Variants in MYO9B observed in about 807,000 individuals in gnomAD.
MYO9B encodes myosin IXB.
Under a neutral mutation model 229.5 loss-of-function variants are expected in MYO9B, and 71 were observed. That is an observed-to-expected ratio of 0.31 (90% CI 0.26 to 0.38). MYO9B has a LOEUF of 0.38. Among genes scored for constraint, MYO9B ranks in the 10% least tolerant of loss-of-function variants. MYO9B has a pLI of 1.00. For synonymous variants in MYO9B, 1,185 were observed against 1,235.8 expected (o/e 0.96, Z 0.86); for missense variants, 2,255 against 2,920.5 (o/e 0.77, Z 5.25).
At chr19:17,171,774 A>G (rs2072727376) in intron 11 of MYO9B, among the ~76,000 whole-genome samples, 1 of 152,102 alleles carries the variant, frequency 6.6e-6, no homozygotes, top group African/African-American at 2.4e-5. Context: ...TAACATAGCA[A>G]GTCCCCTTCT....
intron 2 of MYO9B, among the ~76,000 whole-genome samples, chr19:17,126,060 GC>G (rs1456002921): frequency 6.6e-6 from 1 of 152,110 alleles, no homozygotes; most frequent in Non-Finnish European, 1.5e-5. Flanking sequence ...TCTTCCTTGT[GC>G]CTGGCTGGCA....
intron 2 of MYO9B, among the ~76,000 whole-genome samples, chr19:17,110,618 G>T (rs1360606352): frequency 6.6e-6 from 1 of 152,220 alleles, no homozygotes; most frequent in African/African-American, 2.4e-5. Context: ...AGCGTGCATG[G>T]GGTTTTCATT....
chr19:17,093,693 T>TG (rs764730738), intron 1 of MYO9B, among the ~76,000 whole-genome samples: 91 of 111,552 alleles, frequency 8.2e-4, no homozygotes, highest in East Asian at 7.5e-3. Flanking sequence ...TTGCGGGGGG[T>TG]GGGGGGGGGG....
intron 3 of MYO9B, among the ~76,000 whole-genome samples, chr19:17,147,561 A>AAAC (rs1423944231): frequency 6.8e-6 from 1 of 147,930 alleles, no homozygotes; most frequent in African/African-American, 2.5e-5. Flanking sequence ...AAAAAAAAAA[A>AAAC]CCCAACAACC....
At chr19:17,203,655 G>A (rs933190252) in intron 30 of MYO9B, among the ~76,000 whole-genome samples, 2 of 149,492 alleles carry the variant, frequency 1.3e-5, no homozygotes, top group African/African-American at 4.9e-5. Context: ...CCAGCCACCA[G>A]GTCAGATCTT....
At position 17,195,134 on chromosome 19, in the gene MYO9B, A is replaced by C; in HGVS notation, c.3707A>C (p.Lys1236Thr). Reference sequence around the variant, plus strand: ...GGCAAGGTCTCTGAAGAAACTGAGAAGACGCTGCCCAGTGGGAGCCCCAGG... The same window carrying C: ...GGCAAGGTCTCTGAAGAAACTGAGACGACGCTGCCCAGTGGGAGCCCCAGG... ...AVGKVSEETE[K>T]TLPSGSPRPG... The change falls in exon 22 of 40, where the codon AAG becomes ACG. Residue 1236 changes from lysine to threonine, a missense_variant. Coordinates refer to ENST00000682292, the MANE Select transcript of MYO9B (RefSeq NM_004145.4). The surrounding 1 kb of genome is among the most constrained non-coding windows in gnomAD (Gnocchi z 4.5). 3.7e-6 allele frequency: 6 copies of C among 1,611,960 alleles called. No individual in the cohort carries two copies. The highest frequency in any genetic ancestry group is 5.1e-6 in the Non-Finnish European group (6 of 1,179,498).
chr19:17,196,872 T>C (rs975991521), intron 22 of MYO9B, among the ~76,000 whole-genome samples: 1 of 150,836 alleles, frequency 6.6e-6, no homozygotes, highest in African/African-American at 2.4e-5. Context: ...GGCTGGAAGA[T>C]AGAGATGGAG....
chr19:17,201,199 C>T lies in MYO9B; in HGVS notation c.4563+370C>T, dbSNP rs143591460. Among the ~76,000 whole-genome samples, 112 of 152,272 alleles carry T rather than the reference C, an allele frequency of 7.4e-4. 1 individual carries two copies. The highest frequency in any genetic ancestry group is 2.6e-3 in the African/African-American group (109 of 41,564). On this transcript the variant is annotated intron_variant, in intron 26 of 39. Transcript: ENST00000682292. The stretch of plus-strand genomic sequence containing the variant: ...CACAAGCCACGATCGCAGCACTGCA[C>T]TCCAGCCTGGGTGACAGAGCAAGAC...
At chr19:17,084,739 C>A (rs1427776054) in intron 1 of MYO9B, among the ~76,000 whole-genome samples, 6 of 149,056 alleles carry the variant, frequency 4.0e-5, no homozygotes, top group African/African-American at 7.4e-5. Context: ...AAAAGAAAAA[C>A]ACACACACAC....
At chr19:17,123,962 T>C (rs2057990769) in intron 2 of MYO9B, among the ~76,000 whole-genome samples, 1 of 152,172 alleles carries the variant, frequency 6.6e-6, no homozygotes, top group Non-Finnish European at 1.5e-5. Flanking sequence ...CTTGGCTTAC[T>C]GCAGCCTCAA....
intron 2 of MYO9B, among the ~76,000 whole-genome samples, chr19:17,130,643 G>A (rs2072183943): frequency 6.6e-6 from 1 of 151,376 alleles, no homozygotes; most frequent in Non-Finnish European, 1.5e-5. Context: ...AATTAACCAG[G>A]CATGGTGGTG....
At chr19:17,185,673 G>A (rs1317593317) in intron 17 of MYO9B, among the ~76,000 whole-genome samples, 1 of 151,726 alleles carries the variant, frequency 6.6e-6, no homozygotes, top group East Asian at 1.9e-4. Context: ...TCCACCTGAG[G>A]CAAAAACAAG....
chr19:17,132,174 ATTTC>A (rs2072205515), intron 2 of MYO9B, among the ~76,000 whole-genome samples: 4 of 84,462 alleles, frequency 4.7e-5, no homozygotes, highest in Admixed American at 1.3e-4. Flanking sequence ...GGCTTATTTT[ATTTC>A]TTTTTTTTTT....
At chr19:17,155,829 G>C (rs2072530778) in intron 6 of MYO9B, among the ~76,000 whole-genome samples, 1 of 151,970 alleles carries the variant, frequency 6.6e-6, no homozygotes, top group African/African-American at 2.4e-5. Context: ...GGCCAGGCTG[G>C]GCAACATGGC....
At chr19:17,204,577 C>T (rs951617927) in intron 30 of MYO9B, among the ~76,000 whole-genome samples, 3 of 151,922 alleles carry the variant, frequency 2.0e-5, no homozygotes, top group Non-Finnish European at 2.9e-5. Flanking sequence ...GGCACAGTGG[C>T]TCACACCTGT....
chr19:17,078,203 G>A (rs1388984129), intron 1 of MYO9B, among the ~76,000 whole-genome samples: 4 of 152,116 alleles, frequency 2.6e-5, no homozygotes, highest in Admixed American at 6.6e-5. Context: ...CCCAGAGGAC[G>A]GACACGCTAA....
chr19:17,166,973 G>A (rs2072666444), intron 10 of MYO9B, among the ~76,000 whole-genome samples: 1 of 152,164 alleles, frequency 6.6e-6, no homozygotes, highest in African/African-American at 2.4e-5. Flanking sequence ...ACATTTATAT[G>A]TAAACATGCC....
At chr19:17,209,958 C>T (rs1458957613) in intron 36 of MYO9B, among the ~76,000 whole-genome samples, 1 of 152,212 alleles carries the variant, frequency 6.6e-6, no homozygotes, top group Non-Finnish European at 1.5e-5. Context: ...CACAACCAGC[C>T]TGGCTGGGGC....
intron 1 of MYO9B, among the ~76,000 whole-genome samples, chr19:17,084,709 CAAAA>C (rs903470342): frequency 1.2e-5 from 1 of 81,286 alleles, no homozygotes; most frequent in East Asian, 3.6e-4. Flanking sequence ...ACTAAAAATA[CAAAA>C]AAAAAAAAAA....
Sources: gnomAD v4.1 joint callset for allele counts (sites outside exome capture counted in the v4.1 genomes callset) on GRCh38, gnomAD v4.1.1 for gene constraint, Gnocchi (gnomAD v3.1) non-coding constraint, MANE v1.5 for transcripts, NCBI Gene and HGNC (gene_info 2026-07-23, HGNC 2026-07-21) for gene names.